The following NPAS4 variants were observed in gnomAD, a reference collection of about 807,000 sequenced individuals.
NPAS4 encodes neuronal PAS domain-containing protein 4.
NPAS4 carries 10 observed loss-of-function variants against 64.0 expected under a neutral mutation model. The observed-to-expected ratio is 0.16, with a 90% CI of 0.10 to 0.26. NPAS4 has a LOEUF of 0.26. Among genes scored for constraint, NPAS4 ranks in the 10% least tolerant of loss-of-function variants. The pLI is 1.00. For missense variants in NPAS4, 886 were observed against 992.6 expected (o/e 0.89, Z 1.44); for synonymous variants, 441 against 411.7 (o/e 1.07, Z -0.86).
At chr11:66,425,728 C>G (rs1184958047) in intron 7 of NPAS4, among the ~76,000 whole-genome samples, 2 of 152,166 alleles carry the variant, frequency 1.3e-5, no homozygotes. Context: ...GAGGCTCAGC[C>G]CCTGACTCCA....
At position 66,424,954 on chromosome 11, in the gene NPAS4, C is replaced by A. The variant is rs939180222; in HGVS notation, c.2064C>A (p.Pro688=). The A allele has an allele frequency of 6.2e-7, 1 of 1,614,038 alleles. No homozygotes were observed. The highest frequency in any genetic ancestry group is 1.7e-5 in the Admixed American group (1 of 60,012). Residue 688 remains proline, a synonymous_variant, in exon 7 of 8, where the codon CCC becomes CCA. Transcript: ENST00000311034. The stretch of plus-strand genomic sequence containing the variant: ...CTGTGCTCAGCCTGGACCTGAAACC[C>A]TGGAAATGCCAGGAGCTGGACTTCC... ...GPPVLSLDLK[P]WKCQELDFLA...
At chr11:66,416,520 T>C (rs1308784167), upstream of NPAS4, among the ~76,000 whole-genome samples, 1 of 152,116 alleles carries the variant, frequency 6.6e-6, no homozygotes, top group Non-Finnish European at 1.5e-5. Context: ...CTATGAAAAA[T>C]GGGCTTCAGT....
In NPAS4 at chr11:66,425,223, A is replaced by G. The variant is rs1856821705; in HGVS notation, c.2333A>G (p.Asp778Gly). 1 of 1,531,800 alleles carries G rather than the reference A, an allele frequency of 6.5e-7. No individual in the cohort carries two copies. The highest frequency in any genetic ancestry group is 8.7e-7 in the Non-Finnish European group (1 of 1,144,218). The allele number at this position is 1,531,800 out of a possible 1,614,324, so 94.9% of individuals were successfully genotyped here. Reference protein sequence around the residue: ...VSAFPYDGFTDELHQLQSQVQ... With the variant: ...VSAFPYDGFTGELHQLQSQVQ... ...GCATTCCCCTATGATGGGTTTACTGATGAGTTGCATCAACTCCAGAGCCAA... is the reference window on the plus strand; with the variant it reads ...GCATTCCCCTATGATGGGTTTACTGGTGAGTTGCATCAACTCCAGAGCCAA... Residue 778 changes from aspartate to glycine, a missense_variant, in exon 7 of 8, where the codon GAT becomes GGT. Physicochemically the swap from Asp to Gly is moderately conservative, Grantham distance 94. This residue lies in a region of NPAS4 where 28 missense variants were observed against 57.0 expected (regional missense o/e 0.49). Coordinates refer to ENST00000311034, the MANE Select transcript of NPAS4 (RefSeq NM_178864.4).
intron 6 of NPAS4, 38 bp from the exon 7 acceptor site, chr11:66,423,797 G>C: frequency 1.2e-6 from 2 of 1,601,486 alleles, no homozygotes; most frequent in Non-Finnish European, 1.7e-6. Context: ...GGATATGGAC[G>C]TCGGACCCTT....
rs1856832301 is a variant in NPAS4, at chr11:66,425,879, A to C, written c.2381-82A>C. On this transcript the variant is annotated intron_variant, in intron 7 of 7. Transcript: ENST00000311034. Reference sequence around the variant, plus strand: ...AGCCAATATCTTTGAAGCCTATACTAATACCAACACATTCTCAGCCCCAGG... The same window carrying C: ...AGCCAATATCTTTGAAGCCTATACTCATACCAACACATTCTCAGCCCCAGG... 3 of 1,052,158 alleles carry C rather than the reference A, an allele frequency of 2.9e-6. No individual in the cohort carries two copies. In the South Asian group the frequency reaches 3.8e-5, roughly 13 times the overall value. The allele number at this position is 1,052,158 out of a possible 1,614,324, so 65.2% of individuals were successfully genotyped here.
chr11:66,423,588 T>G lies in NPAS4; in HGVS notation c.819T>G (p.Ser273Arg). The change falls in exon 6 of 8, where the codon AGT becomes AGG. Residue 273 changes from serine (S) to arginine (R), a missense_variant. This residue lies in a region of NPAS4 where 820 missense variants were observed against 855.5 expected (regional missense o/e 0.96). Transcript: ENST00000311034. ...CTTCTTTCTCCCCAGTGGCTGAGAGTGGAGATATTCAGGCAGAGATGGTGG... is the reference window on the plus strand; with the variant it reads ...CTTCTTTCTCCCCAGTGGCTGAGAGGGGAGATATTCAGGCAGAGATGGTGG... ...SAQHYRLLAE[S>R]GDIQAEMVVR... 1.2e-6 allele frequency: 2 copies of G among 1,613,592 alleles called. No homozygotes were observed. The highest frequency in any genetic ancestry group is 1.7e-6 in the Non-Finnish European group (2 of 1,179,908).
At chr11:66,415,268 T>C in the NPAS4 span, among the ~76,000 whole-genome samples, 2 of 152,170 alleles carry the variant, frequency 1.3e-5, no homozygotes, top group African/African-American at 4.8e-5. Context: ...CCTGACCCAT[T>C]GGGCTTCCCA....
rs1400405950 is a variant in NPAS4 at position 66,426,060 on chromosome 11, C to T, written c.*71C>T. On this transcript the variant is annotated 3_prime_UTR_variant, in exon 8 of 8. Coordinates refer to ENST00000311034, the MANE Select transcript of NPAS4 (RefSeq NM_178864.4). The stretch of plus-strand genomic sequence containing the variant: ...AGACGTGGAGCCGCTCTCCACCCCC[C>T]CGGGACTGTTGGGGGGATTCTGAGG... The T allele has an allele frequency of 3.4e-6, 4 of 1,188,966 alleles. No homozygotes were observed. Among genetic ancestry groups the T allele is most frequent in the Admixed American group, 3.4e-5 (2 of 59,342 alleles). The allele number at this position is 1,188,966 out of a possible 1,614,324, so 73.7% of individuals were successfully genotyped here.
chr11:66,423,546 A>T lies in NPAS4; in HGVS notation c.809-32A>T, dbSNP rs775554845. The T allele has an allele frequency of 1.3e-5, 21 of 1,612,506 alleles. No homozygotes were observed. The South Asian group carries it at 1.9e-4, about 14-fold the overall frequency. ...GGGAGTAGGTAGAATTGCCTGGTGG[A>T]CATCCTAACTCTGCATCTTCTTTCT... On this transcript the variant is annotated intron_variant, in intron 5 of 7. Transcript: ENST00000311034.
chr11:66,418,245 C>T (rs1334075180), upstream of NPAS4, among the ~76,000 whole-genome samples: 1 of 152,186 alleles, frequency 6.6e-6, no homozygotes, highest in Non-Finnish European at 1.5e-5. Flanking sequence ...TTAGCTTGTT[C>T]TGCTGCTGCC....
In NPAS4 at chr11:66,422,808, A is replaced by G; in HGVS notation, c.565A>G (p.Thr189Ala). ...CTACTGGGCAGGAAATCCCGTGTTC[A>G]CAGCTTTCTGTGCCCCTCTGGAGCC... ...GAYWAGNPVF[T>A]AFCAPLEPRP... is the part of the protein sequence containing the mutation. The change falls in exon 4 of 8, where the codon ACA (threonine) becomes GCA (alanine). Residue 189 changes from threonine (T) to alanine (A), a missense_variant. Transcript: ENST00000311034. 6.2e-7 allele frequency: 1 copy of G among 1,614,148 alleles called. No individual in the cohort carries two copies. The highest frequency in any genetic ancestry group is 1.1e-5 in the South Asian group (1 of 91,084).
chr11:66,413,640 G>A, the NPAS4 span, among the ~76,000 whole-genome samples: 1 of 152,218 alleles, frequency 6.6e-6, no homozygotes. Context: ...ACCTGGCACT[G>A]TGTTGAATCT....
At position 66,426,199 on chromosome 11, in the gene NPAS4, A is replaced by C; in HGVS notation, c.*210A>C. 1 of 559,152 alleles carries C rather than the reference A, an allele frequency of 1.8e-6. No homozygotes were observed. Among genetic ancestry groups the C allele is most frequent in the Non-Finnish European group, 3.2e-6 (1 of 311,138 alleles). The allele number at this position is 559,152 out of a possible 1,614,324, so 34.6% of individuals were successfully genotyped here. A position where few individuals can be genotyped will look rare whatever the true frequency, so the allele number is the denominator to read the frequency against. ...AAATCAAGAGACTTCGAGCGATCCC[A>C]GTTTCCATTTCAATCTGTATTCACT... On this transcript the variant is annotated 3_prime_UTR_variant, in exon 8 of 8. Coordinates refer to ENST00000311034, the MANE Select transcript of NPAS4 (RefSeq NM_178864.4).
At chr11:66,409,859 GCA>G in the NPAS4 span, 1 of 152,422 alleles carries the variant, frequency 6.6e-6, no homozygotes, top group Non-Finnish European at 1.5e-5. Context: ...TCCTTCCCCA[GCA>G]CAGTCTGGAC....
chr11:66,423,107 C>A lies in NPAS4; in HGVS notation c.699-16C>A, dbSNP rs371656155. Reference sequence around the variant, plus strand: ...AGGAAAACAGAAAGCTGACCTCACCCTTTCCACCTTCCCAGTGTCCTAATC... The same window carrying A: ...AGGAAAACAGAAAGCTGACCTCACCATTTCCACCTTCCCAGTGTCCTAATC... On this transcript the variant is annotated splice_polypyrimidine_tract_variant and intron_variant, in intron 4 of 7. Transcript: ENST00000311034. The A allele has an allele frequency of 1.1e-4, 176 of 1,578,276 alleles. No individual in the cohort carries two copies. Among genetic ancestry groups the A allele is most frequent in the Non-Finnish European group, 1.5e-4 (171 of 1,153,076 alleles).
At position 66,422,546 on chromosome 11, in the gene NPAS4, G is replaced by A. The variant is rs1383876339; in HGVS notation, c.423G>A (p.Leu141=). 1 of 1,613,288 alleles carries A rather than the reference G, an allele frequency of 6.2e-7. No individual in the cohort carries two copies. The highest frequency in any genetic ancestry group is 1.1e-5 in the South Asian group (1 of 91,074). Residue 141 remains leucine (L), a synonymous_variant, in exon 3 of 8, where the codon CTG becomes CTA. Coordinates refer to ENST00000311034, the MANE Select transcript of NPAS4 (RefSeq NM_178864.4). ...VRQQLTLPSA[L]DTDRLFRCRF... ...AGCAACTCACCCTGCCCTCTGCCCT[G>A]GACACTGGTAAGGACTCCCTTCTCC...
At chr11:66,422,641 C>T (rs748186845) in intron 3 of NPAS4, 33 bp from the exon 4 acceptor site, 1 of 1,611,940 alleles carries the variant, frequency 6.2e-7, no homozygotes, top group Non-Finnish European at 8.5e-7. Context: ...CAGCCACTCA[C>T]CCTCTTATCT....
At position 66,426,058 on chromosome 11, in the gene NPAS4, C is replaced by T. The variant is rs1023551554; in HGVS notation, c.*69C>T. On this transcript the variant is annotated 3_prime_UTR_variant, in exon 8 of 8. Transcript: ENST00000311034. ...CAAGACGTGGAGCCGCTCTCCACCC[C>T]CCCGGGACTGTTGGGGGGATTCTGA... 2.5e-6 allele frequency: 3 copies of T among 1,202,652 alleles called. No homozygotes were observed. Among genetic ancestry groups the T allele is most frequent in the Middle Eastern group, 2.6e-4 (1 of 3,830 alleles). The allele number at this position is 1,202,652 out of a possible 1,614,324, so 74.5% of individuals were successfully genotyped here.
chr11:66,422,320 C>G (rs545244293), intron 2 of NPAS4, 49 bp downstream of exon 2: 12 of 1,593,896 alleles, frequency 7.5e-6, no homozygotes, highest in Non-Finnish European at 1.0e-5. Flanking sequence ...GAGTGGGTGC[C>G]GTGAGCCTTC....
Sources: gnomAD v4.1 joint callset for allele counts (sites outside exome capture counted in the v4.1 genomes callset) on GRCh38, gnomAD v4.1.1 for gene constraint, gnomAD v4.1.1 regional missense constraint, MANE v1.5 for transcripts, NCBI Gene and HGNC (gene_info 2026-07-23, HGNC 2026-07-21) for gene names.